Variants in FAR2 observed in about 807,000 individuals in gnomAD.
The protein encoded by FAR2 is fatty acyl-CoA reductase 2.
Under a neutral mutation model 56.0 loss-of-function variants are expected in FAR2, and 19 were observed. The observed-to-expected ratio is 0.34, with a 90% confidence interval of 0.24 to 0.50. FAR2 has a LOEUF of 0.50. FAR2 is among the 20% of genes least tolerant of loss of function. FAR2 has a pLI of 0.98. For synonymous variants in FAR2, 219 were observed against 218.8 expected, an observed-to-expected ratio of 1.00 and a Z score of -0.01; for missense variants, 508 against 642.2, an observed-to-expected ratio of 0.79 and a Z score of 2.26.
chr12:29,189,198 G>T (rs1168556435), intron 1 of FAR2, among the ~76,000 whole-genome samples: 5 of 152,100 alleles, frequency 3.3e-5, no homozygotes, highest in Non-Finnish European at 7.4e-5. Context: ...TGGAAGATTT[G>T]CCCATTATTC....
intron 1 of FAR2, among the ~76,000 whole-genome samples, chr12:29,181,671 C>T (rs1470331912): frequency 6.6e-6 from 1 of 152,226 alleles, no homozygotes; most frequent in East Asian, 1.9e-4. Context: ...TGTTCCTCTT[C>T]CAATCTAGGG....
chr12:29,217,105 T>C (rs1383480621), intron 1 of FAR2, among the ~76,000 whole-genome samples: 2 of 152,238 alleles, frequency 1.3e-5, no homozygotes, highest in Non-Finnish European at 2.9e-5. Flanking sequence ...TAGGATATTC[T>C]GACTAGAATG....
At chr12:29,164,232 C>T (rs2043010969) in intron 1 of FAR2, among the ~76,000 whole-genome samples, 1 of 152,168 alleles carries the variant, frequency 6.6e-6, no homozygotes, top group Non-Finnish European at 1.5e-5. Flanking sequence ...CTATTTAGGT[C>T]TCTTTCCCAT....
At chr12:29,329,781 A>G (rs1400300387) in intron 10 of FAR2, among the ~76,000 whole-genome samples, 1 of 152,202 alleles carries the variant, frequency 6.6e-6, no homozygotes, top group Non-Finnish European at 1.5e-5. Flanking sequence ...CTTGCAAAAA[A>G]ATACATATAA....
At chr12:29,266,539 C>T (rs911198103) in intron 1 of FAR2, among the ~76,000 whole-genome samples, 2 of 150,294 alleles carry the variant, frequency 1.3e-5, no homozygotes, top group Non-Finnish European at 3.0e-5. Context: ...GTAATGGGAA[C>T]AAAAATACAA....
chr12:29,204,608 C>T (rs1042148790), intron 1 of FAR2, among the ~76,000 whole-genome samples: 1 of 152,078 alleles, frequency 6.6e-6, no homozygotes, highest in Non-Finnish European at 1.5e-5. Flanking sequence ...TAAAGAAATA[C>T]GAGAGACTGG....
intron 1 of FAR2, among the ~76,000 whole-genome samples, chr12:29,175,966 A>G (rs1192658093): frequency 6.6e-6 from 1 of 152,254 alleles, no homozygotes; most frequent in Non-Finnish European, 1.5e-5. Flanking sequence ...TGAAAAATAA[A>G]GCAAAATACC....
chr12:29,149,861 C>T (rs2136567804), intron 1 of FAR2, among the ~76,000 whole-genome samples: 1 of 152,302 alleles, frequency 6.6e-6, no homozygotes, highest in African/African-American at 2.4e-5. Context: ...TGTGAAACGG[C>T]AGCGGTCCTA....
intron 1 of FAR2, among the ~76,000 whole-genome samples, chr12:29,195,443 T>C (rs1950136783): frequency 6.6e-6 from 1 of 152,188 alleles, no homozygotes; most frequent in African/African-American, 2.4e-5. Flanking sequence ...GATAAAAATG[T>C]ATATATTGTG....
Position 29,295,779 on chromosome 12 carries a change from T to G in FAR2, c.366-1242T>G, listed in dbSNP as rs796654682. On this transcript the variant is annotated intron_variant, in intron 3 of 11. Transcript: ENST00000536681. ...TAATTTTTTTTTTTTTTTTTTTTTT[T>G]GAGACGGAGTCTCGCTCTGTCGCCC... is the stretch of plus-strand genomic sequence containing the variant. 6.1e-4 allele frequency among the ~76,000 whole-genome samples: 77 copies of G among 125,760 alleles called. 2 individuals are homozygous for G. In the South Asian group the frequency reaches 0.018, roughly 30 times the overall value. 82.5% of individuals were successfully genotyped at this position (125,760 alleles called of 152,430 possible). A position where few individuals can be genotyped will look rare whatever the true frequency, so the allele number is the denominator to read the frequency against.
Position 29,305,119 on chromosome 12 carries a change from ATTTG to A in FAR2, c.546-2535_546-2532del, listed in dbSNP as rs1009769839. On this transcript the variant is annotated intron_variant, in intron 4 of 11. Coordinates refer to ENST00000536681, the MANE Select transcript of FAR2 (RefSeq NM_001271783.2). ...GTGATATTTTATTTTTATTTGTTTT[ATTTG>A]TTTATTTTTATTTTTATTTATTTTA... is the stretch of plus-strand genomic sequence containing the variant. 1.9e-4 allele frequency among the ~76,000 whole-genome samples: 29 copies of A among 150,248 alleles called. 1 individual carries two copies. The highest frequency in any genetic ancestry group is 1.8e-3 in the East Asian group (9 of 5,058).
chr12:29,265,929 G>A (rs1353938146), intron 1 of FAR2, among the ~76,000 whole-genome samples: 14 of 152,104 alleles, frequency 9.2e-5, no homozygotes, highest in Non-Finnish European at 2.1e-4. Context: ...CAACATCACT[G>A]ATCATTAGAG....
chr12:29,220,492 T>C (rs568398944), intron 1 of FAR2, among the ~76,000 whole-genome samples: 2 of 152,338 alleles, frequency 1.3e-5, no homozygotes, highest in South Asian at 4.1e-4. Context: ...AAATCTACAA[T>C]TTGAGCTTTA....
At chr12:29,240,954 C>G (rs1948023071) in intron 1 of FAR2, among the ~76,000 whole-genome samples, 1 of 152,110 alleles carries the variant, frequency 6.6e-6, no homozygotes, top group South Asian at 2.1e-4. Flanking sequence ...TACAGACATG[C>G]ACTACCACAT....
chr12:29,266,141 G>C (rs1948512225), intron 1 of FAR2, among the ~76,000 whole-genome samples: 1 of 152,092 alleles, frequency 6.6e-6, no homozygotes, highest in Non-Finnish European at 1.5e-5. Context: ...AACATATCCA[G>C]CAATCCCACA....
chr12:29,167,297 A>G (rs1334245303), intron 1 of FAR2, among the ~76,000 whole-genome samples: 1 of 152,170 alleles, frequency 6.6e-6, no homozygotes, highest in African/African-American at 2.4e-5. Flanking sequence ...TTAACATTAT[A>G]TGATCTTGCC....
chr12:29,324,057 G>C (rs1008236143), intron 10 of FAR2, among the ~76,000 whole-genome samples: 1 of 152,186 alleles, frequency 6.6e-6, no homozygotes, highest in Non-Finnish European at 1.5e-5. Flanking sequence ...CCTTAAAGGA[G>C]CTGATGGAGC....
chr12:29,154,764 G>A (rs1949712876), intron 1 of FAR2, among the ~76,000 whole-genome samples: 1 of 126,122 alleles, frequency 7.9e-6, no homozygotes, highest in Non-Finnish European at 1.7e-5. Flanking sequence ...CTCAGAGCAT[G>A]CATGTCCTAA....
intron 1 of FAR2, among the ~76,000 whole-genome samples, chr12:29,200,173 T>C (rs1263592801): frequency 1.3e-5 from 2 of 152,144 alleles, no homozygotes; most frequent in Non-Finnish European, 2.9e-5. Flanking sequence ...TTTATGTGAA[T>C]TAGAAAGCAC....
Sources: gnomAD v4.1 joint callset for allele counts (sites outside exome capture counted in the v4.1 genomes callset) on GRCh38, gnomAD v4.1.1 for gene constraint, MANE v1.5 for transcripts, NCBI Gene and HGNC (gene_info 2026-07-23, HGNC 2026-07-21) for gene names.